Variants in TMEM117 observed in about 807,000 individuals in gnomAD.
TMEM117 encodes the protein transmembrane protein 117.
In TMEM117, 27 loss-of-function variants were observed where a neutral mutation model predicts 52.4. That is an observed-to-expected ratio of 0.51 (90% CI 0.38 to 0.71). The LOEUF (loss-of-function observed/expected upper bound fraction) is 0.71. Ranked by LOEUF, TMEM117 falls within the 30% of genes least tolerant of loss-of-function variation. TMEM117 has a pLI of 0.00. For synonymous variants in TMEM117, 215 were observed against 206.3 expected (o/e 1.04, Z -0.36); for missense variants, 556 against 630.5 (o/e 0.88, Z 1.26).
At chr12:43,827,591 G>T in the TMEM117 span, among the ~76,000 whole-genome samples, 20 of 152,074 alleles carry the variant, frequency 1.3e-4, no homozygotes, top group African/African-American at 4.6e-4. Context: ...TTAAGTAAAT[G>T]ACTTCTTTTA....
intron 3 of TMEM117, among the ~76,000 whole-genome samples, chr12:44,051,993 TG>T (rs1946981452): frequency 6.6e-6 from 1 of 151,838 alleles, no homozygotes; most frequent in African/African-American, 2.4e-5. Flanking sequence ...TCCTCAGTCA[TG>T]TGCAATATTG....
At chr12:43,899,133 C>T (rs1944262433) in intron 2 of TMEM117, among the ~76,000 whole-genome samples, 1 of 152,206 alleles carries the variant, frequency 6.6e-6, no homozygotes, top group African/African-American at 2.4e-5. Flanking sequence ...ATGAAAGTAG[C>T]TGTTTTCTGT....
intron 4 of TMEM117, among the ~76,000 whole-genome samples, chr12:44,166,280 CAAAT>C (rs745943772): frequency 1.3e-5 from 2 of 152,120 alleles, no homozygotes; most frequent in African/African-American, 4.8e-5. Context: ...ATAAAGATTT[CAAAT>C]AAACAGGCCA....
chr12:44,053,694 T>G (rs1405772197), intron 3 of TMEM117, among the ~76,000 whole-genome samples: 1 of 152,180 alleles, frequency 6.6e-6, no homozygotes, highest in Non-Finnish European at 1.5e-5. Context: ...GGGGTTTGTA[T>G]GAATAATAAA....
chr12:43,939,528 C>T (rs1181329860), intron 2 of TMEM117, among the ~76,000 whole-genome samples: 1 of 152,122 alleles, frequency 6.6e-6, no homozygotes, highest in Non-Finnish European at 1.5e-5. Context: ...ATAGGAGTTC[C>T]AGGGCTACAG....
intron 5 of TMEM117, among the ~76,000 whole-genome samples, chr12:44,216,504 CA>C (rs1052617761): frequency 1.2e-4 from 18 of 152,198 alleles, no homozygotes; most frequent in Non-Finnish European, 2.5e-4. Context: ...CTGATGTTTA[CA>C]AAAAGTCATC....
At position 44,114,867 on chromosome 12, in the gene TMEM117, C is replaced by A. The variant is rs538944835; in HGVS notation, c.411-28658C>A. ...CTTCCACATTTCCTGTATGTGGACTCTATTCTAGACATTCTAGTTTGGTGT... is the reference window on the plus strand; with the variant it reads ...CTTCCACATTTCCTGTATGTGGACTATATTCTAGACATTCTAGTTTGGTGT... On this transcript the variant is annotated intron_variant, in intron 3 of 7. Transcript: ENST00000266534. Among the ~76,000 whole-genome samples the A allele has an allele frequency of 1.7e-4, 26 of 152,272 alleles. 1 individual carries two copies. The South Asian group carries it at 5.2e-3, about 30-fold the overall frequency.
At chr12:44,312,174 T>G (rs1950999228) in intron 6 of TMEM117, among the ~76,000 whole-genome samples, 1 of 152,016 alleles carries the variant, frequency 6.6e-6, no homozygotes, top group Non-Finnish European at 1.5e-5. Flanking sequence ...ATGATGATCC[T>G]ATCATCTATG....
intron 3 of TMEM117, among the ~76,000 whole-genome samples, chr12:43,952,152 T>A (rs1412910598): frequency 6.6e-6 from 1 of 151,898 alleles, no homozygotes; most frequent in Non-Finnish European, 1.5e-5. Flanking sequence ...GCCTCAAAGA[T>A]CAAAGGTAGA....
chr12:44,095,199 T>C (rs1287164078), intron 3 of TMEM117, among the ~76,000 whole-genome samples: 1 of 152,144 alleles, frequency 6.6e-6, no homozygotes, highest in Admixed American at 6.6e-5. Context: ...CACAAGCATG[T>C]ACTAGCAGTT....
intron 5 of TMEM117, among the ~76,000 whole-genome samples, chr12:44,214,717 A>G (rs1197115208): frequency 6.6e-6 from 1 of 152,210 alleles, no homozygotes; most frequent in Non-Finnish European, 1.5e-5. Flanking sequence ...ATCATTGCAT[A>G]AAGTAACTGA....
rs113412585 is a variant in TMEM117, at chr12:44,037,132, A to G, written c.410+92790A>G. ...CAAGTGGGCAGGTTAGGAGCCTTGC[A>G]CTTCCCAGGTGAAGCTGCAGCCACC... On this transcript the variant is annotated intron_variant, in intron 3 of 7. Transcript: ENST00000266534. Among the ~76,000 whole-genome samples, 232 of 152,100 alleles carry G rather than the reference A, an allele frequency of 1.5e-3. 2 individuals carry two copies. The highest frequency in any genetic ancestry group is 4.9e-3 in the African/African-American group (205 of 41,518).
chr12:43,916,530 A>G (rs11182326), intron 2 of TMEM117, among the ~76,000 whole-genome samples: 21,913 of 152,176 alleles, frequency 0.14, 2,390 homozygotes, highest in African/African-American at 0.3. Flanking sequence ...TTATTACTTT[A>G]TTGTACCACC....
chr12:43,823,560 A>G, the TMEM117 span, among the ~76,000 whole-genome samples: 3 of 151,892 alleles, frequency 2.0e-5, no homozygotes, highest in Admixed American at 1.3e-4. Flanking sequence ...TCCAGGCTGG[A>G]GCACAGTGGC....
chr12:43,827,277 T>C, the TMEM117 span, among the ~76,000 whole-genome samples: 59 of 152,144 alleles, frequency 3.9e-4, no homozygotes, highest in Non-Finnish European at 5.9e-4. Flanking sequence ...TCATTATGCA[T>C]TTTGTATTTA....
chr12:44,036,151 T>G (rs1307798272), intron 3 of TMEM117, among the ~76,000 whole-genome samples: 2 of 152,250 alleles, frequency 1.3e-5, no homozygotes, highest in Non-Finnish European at 2.9e-5. Context: ...GCATTAAAAA[T>G]AAATCTCTTC....
chr12:44,295,023 T>G (rs943215869), intron 5 of TMEM117, among the ~76,000 whole-genome samples: 6 of 152,170 alleles, frequency 3.9e-5, no homozygotes, highest in Admixed American at 6.5e-5. Flanking sequence ...GGGTCCTTCT[T>G]TAGATTCTTT....
At chr12:43,915,539 A>G (rs924506218) in intron 2 of TMEM117, among the ~76,000 whole-genome samples, 2 of 152,088 alleles carry the variant, frequency 1.3e-5, no homozygotes, top group African/African-American at 4.8e-5. Flanking sequence ...TCAGTGACCA[A>G]CTTTGCATAG....
the TMEM117 span, among the ~76,000 whole-genome samples, chr12:43,811,422 T>A: frequency 6.6e-6 from 1 of 152,216 alleles, no homozygotes; most frequent in Non-Finnish European, 1.5e-5. Context: ...TCCTTGTTGA[T>A]TGTCACTCTC....
Sources: gnomAD v4.1 joint callset for allele counts (sites outside exome capture counted in the v4.1 genomes callset) on GRCh38, gnomAD v4.1.1 for gene constraint, MANE v1.5 for transcripts, NCBI Gene and HGNC (gene_info 2026-07-23, HGNC 2026-07-21) for gene names.